The following PCNT variants were observed in gnomAD, a reference collection of about 807,000 sequenced individuals.
The protein encoded by PCNT is kendrin.
Under a neutral mutation model 380.4 loss-of-function variants are expected in PCNT, and 319 were observed. That is an observed-to-expected ratio of 0.84 (90% confidence interval 0.77 to 0.92). The LOEUF is 0.92. Ranked by LOEUF, PCNT falls within the 40% of genes least tolerant of loss-of-function variation. The pLI, the probability that PCNT is intolerant of heterozygous loss-of-function variation, is 0.00. For missense variants in PCNT, 4,400 were observed against 4,255.3 expected, an observed-to-expected ratio of 1.03 and a Z score of -0.95; for synonymous variants, 1,845 against 1,735.2, an observed-to-expected ratio of 1.06 and a Z score of -1.57.
intron 9 of PCNT, among the ~76,000 whole-genome samples, chr21:46,352,037 C>T (rs574999152): frequency 6.6e-6 from 1 of 152,346 alleles, no homozygotes; most frequent in South Asian, 2.1e-4. Context: ...CCCCAGGCCC[C>T]CCATTCCGTG....
At position 46,425,996 on chromosome 21, in the gene PCNT, C is replaced by T. The variant is rs12483196; in HGVS notation, c.7320+25C>T. 2 of 1,595,418 alleles carry T rather than the reference C, an allele frequency of 1.3e-6. No homozygotes were observed. The highest frequency in any genetic ancestry group is 1.7e-6 in the Non-Finnish European group (2 of 1,168,842). On this transcript the variant is annotated intron_variant, in intron 33 of 46. Coordinates refer to ENST00000359568, the MANE Select transcript of PCNT (RefSeq NM_006031.6). The surrounding 1 kb of genome is among the most constrained non-coding windows in gnomAD (Gnocchi z 4.2). ...GGTTTATTTTGCCCTTCACACACTT[C>T]TTTTCCAAAGGATTTAAGGAGCTTG...
intron 13 of PCNT, 112 bp from the exon 14 acceptor site, chr21:46,363,368 G>A: frequency 5.1e-6 from 4 of 791,028 alleles, no homozygotes; most frequent in Non-Finnish European, 9.0e-6. Flanking sequence ...GCAGCGTAAT[G>A]GGTGTGTGTG....
In PCNT at chr21:46,425,766, G is replaced by T. The variant is rs2087467855; in HGVS notation, c.7180-65G>T. Reference sequence around the variant, plus strand: ...TCCTGGCGGCAGCTCGGGGCCGCAGGTGGTGTAGAGCGTGGCTGTGTGGGG... The same window carrying T: ...TCCTGGCGGCAGCTCGGGGCCGCAGTTGGTGTAGAGCGTGGCTGTGTGGGG... On this transcript the variant is annotated intron_variant, in intron 32 of 46. Transcript: ENST00000359568. The surrounding 1 kb of genome is among the most constrained non-coding windows in gnomAD (Gnocchi z 4.2). The T allele has an allele frequency of 1.2e-6, 2 of 1,608,398 alleles. No individual in the cohort carries two copies. Among genetic ancestry groups the T allele is most frequent in the African/African-American group, 2.7e-5 (2 of 74,964 alleles).
intron 15 of PCNT, among the ~76,000 whole-genome samples, chr21:46,380,451 C>T (rs1462904020): frequency 5.3e-5 from 8 of 152,182 alleles, no homozygotes; most frequent in East Asian, 1.9e-4. Context: ...TGAGCCACCG[C>T]GCCCGGCCAA....
chr21:46,325,640 T>A (rs2083366497), intron 1 of PCNT, among the ~76,000 whole-genome samples: 1 of 152,200 alleles, frequency 6.6e-6, no homozygotes, highest in Admixed American at 6.5e-5. Flanking sequence ...ATGCGTTTGT[T>A]TTTGTGGCCA....
intron 15 of PCNT, among the ~76,000 whole-genome samples, chr21:46,375,895 C>T (rs2085318921): frequency 6.6e-6 from 1 of 152,250 alleles, no homozygotes; most frequent in African/African-American, 2.4e-5. Flanking sequence ...GGTGGCTCCC[C>T]TGGGTGCGAG....
chr21:46,401,747 C>G lies in PCNT; in HGVS notation c.4962+26C>G, dbSNP rs746095469. 20 of 1,612,924 alleles carry G rather than the reference C, an allele frequency of 1.2e-5. No homozygotes were observed. In the East Asian group the frequency reaches 4.5e-4, roughly 36 times the overall value. ...GTGAGTGCAGAGTGGGGCCATGGGA[C>G]TGCCAGCCCTGGGTCAGTGTCCAGT... is the stretch of plus-strand genomic sequence containing the variant. On this transcript the variant is annotated intron_variant, in intron 26 of 46. Coordinates refer to ENST00000359568, the MANE Select transcript of PCNT (RefSeq NM_006031.6).
chr21:46,413,667 C>G (rs1044127847), intron 29 of PCNT, among the ~76,000 whole-genome samples: 1 of 152,212 alleles, frequency 6.6e-6, no homozygotes, highest in Admixed American at 6.5e-5. Flanking sequence ...ACATCGCCCC[C>G]GTGGGCCTCA....
intron 38 of PCNT, among the ~76,000 whole-genome samples, chr21:46,434,058 G>A (rs774067329): frequency 4.6e-5 from 7 of 152,268 alleles, no homozygotes; most frequent in African/African-American, 7.2e-5. Context: ...GATTACAGGC[G>A]TGAGCCACTG....
rs2084788724 is a variant in PCNT at position 46,363,476 on chromosome 21, G to A, written c.2155-4G>A. On this transcript the variant is annotated splice_polypyrimidine_tract_variant and splice_region_variant and intron_variant, in intron 13 of 46. Transcript: ENST00000359568. ...CCTCCTAAATGAAATTATGTTGTCT[G>A]TAGGTAAAACACAATCTAATTGAAG... 6.2e-7 allele frequency: 1 copy of A among 1,605,654 alleles called. No individual in the cohort carries two copies. The highest frequency in any genetic ancestry group is 8.5e-7 in the Non-Finnish European group (1 of 1,172,838).
Position 46,388,718 on chromosome 21 carries a change from G to C in PCNT, c.3465-24G>C, listed in dbSNP as rs1601929668. 2 of 1,613,186 alleles carry C rather than the reference G, an allele frequency of 1.2e-6. No homozygotes were observed. The highest frequency in any genetic ancestry group is 4.5e-5 in the East Asian group (2 of 44,868). ...TTCTTATGCCGTGACCAGCTTGCCT[G>C]ATGATGGGTGTCTCCTGTCTCAGAG... is the stretch of plus-strand genomic sequence containing the variant. On this transcript the variant is annotated intron_variant, in intron 17 of 46. Transcript: ENST00000359568. This position sits in a 1 kb window ranked among gnomAD's most constrained non-coding sequence, Gnocchi z 4.2.
intron 1 of PCNT, 65 bp from the exon 2 acceptor site, chr21:46,326,310 CTT>C: frequency 2.0e-6 from 3 of 1,490,252 alleles, no homozygotes; most frequent in Non-Finnish European, 2.8e-6. Context: ...AGTCTGTTGA[CTT>C]TGTGGTTCTG....
intron 42 of PCNT, among the ~76,000 whole-genome samples, 188 bp downstream of exon 42, chr21:46,440,390 G>A (rs1315108338): frequency 6.6e-6 from 1 of 152,236 alleles, no homozygotes; most frequent in East Asian, 1.9e-4. Flanking sequence ...CACAAATACT[G>A]AGTTTCTGTG....
chr21:46,398,295 C>G, intron 24 of PCNT, 40 bp downstream of exon 24: 1 of 1,576,454 alleles, frequency 6.3e-7, no homozygotes, highest in East Asian at 2.3e-5. Flanking sequence ...CCTGCGCTGG[C>G]GCCCAGGCTC....
In PCNT at chr21:46,443,746, G is replaced by A. The variant is rs1235237806; in HGVS notation, c.9701-64G>A. On this transcript the variant is annotated intron_variant, in intron 44 of 46. Transcript: ENST00000359568. ...ATACGTTTAAACTGTTGATAGATGG[G>A]CCTTTACTAAAATGCATTCATTTAT... 3 of 1,489,290 alleles carry A rather than the reference G, an allele frequency of 2.0e-6. No individual in the cohort carries two copies. In the African/African-American group the frequency reaches 4.1e-5, roughly 21 times the overall value. 92.3% of individuals were successfully genotyped at this position (1,489,290 alleles called of 1,614,324 possible). A position where few individuals can be genotyped will look rare whatever the true frequency, so the allele number is the denominator to read the frequency against.
chr21:46,352,958 G>A lies in PCNT; in HGVS notation c.1457-146G>A, dbSNP rs574016596. 411 of 718,640 alleles carry A rather than the reference G, an allele frequency of 5.7e-4. 5 individuals carry two copies. Among genetic ancestry groups the A allele is most frequent in the South Asian group, 5.2e-3 (344 of 66,512 alleles). 44.5% of individuals were successfully genotyped at this position (718,640 alleles called of 1,614,324 possible). ...TCAGGGGCGTACGAGAGTCTAAGCC[G>A]TAGGGGTCCCTCATCCCTCTCCGGT... On this transcript the variant is annotated intron_variant, in intron 9 of 46. Coordinates refer to ENST00000359568, the MANE Select transcript of PCNT (RefSeq NM_006031.6).
chr21:46,439,315 C>T (rs971247505), intron 41 of PCNT, among the ~76,000 whole-genome samples: 1 of 152,106 alleles, frequency 6.6e-6, no homozygotes, highest in Non-Finnish European at 1.5e-5. Context: ...CGTCTGGGAC[C>T]TCCTAAACTG....
chr21:46,367,222 G>A lies in PCNT; in HGVS notation c.3165+83G>A, dbSNP rs908298443. ...TTTCCACCGCGTGTCACATGTCTGC[G>A]TGCGTGCTGTGTGTGCCTGTGCGGG... On this transcript the variant is annotated intron_variant, in intron 15 of 46. Coordinates refer to ENST00000359568, the MANE Select transcript of PCNT (RefSeq NM_006031.6). 5 of 1,180,392 alleles carry A rather than the reference G, an allele frequency of 4.2e-6. No homozygotes were observed. The African/African-American group carries it at 4.5e-5, about 11-fold the overall frequency. The allele number at this position is 1,180,392 out of a possible 1,614,324, so 73.1% of individuals were successfully genotyped here.
chr21:46,327,222 G>C (rs1236632267), intron 2 of PCNT, among the ~76,000 whole-genome samples: 6 of 151,616 alleles, frequency 4.0e-5, no homozygotes, highest in Non-Finnish European at 7.4e-5. Flanking sequence ...CACCACGCCC[G>C]GCTAGTTTTT....
Sources: gnomAD v4.1 joint callset for allele counts (sites outside exome capture counted in the v4.1 genomes callset) on GRCh38, gnomAD v4.1.1 for gene constraint, Gnocchi (gnomAD v3.1) non-coding constraint, MANE v1.5 for transcripts, NCBI Gene and HGNC (gene_info 2026-07-23, HGNC 2026-07-21) for gene names.